IL1RAPL1: variants seen among roughly 807,000 people sequenced by gnomAD.
The protein encoded by IL1RAPL1 is interleukin 1 receptor accessory protein like 1.
A neutral mutation model predicts 48.4 loss-of-function variants in IL1RAPL1; 3 were observed. That is an observed-to-expected ratio of 0.06 (90% CI 0.03 to 0.16). The LOEUF is 0.16. IL1RAPL1 is among the 10% of genes least tolerant of loss of function. The pLI, the probability that IL1RAPL1 is intolerant of heterozygous loss-of-function variation, is 1.00. For synonymous variants in IL1RAPL1, 185 were observed against 187.7 expected (o/e 0.99, Z 0.12); for missense variants, 349 against 530.6 (o/e 0.66, Z 3.36).
intron 6 of IL1RAPL1, among the ~76,000 whole-genome samples, chrX:29,853,361 G>A (rs981346066): frequency 2.6e-4 from 28 of 109,528 alleles, no homozygotes; most frequent in African/African-American, 8.7e-4. Flanking sequence ...AATTAGCCAG[G>A]CATCATAGAT....
intron 1 of IL1RAPL1, among the ~76,000 whole-genome samples, chrX:28,607,086 T>C (rs968540684): frequency 9.1e-6 from 1 of 109,641 alleles, no homozygotes; most frequent in Non-Finnish European, 1.9e-5. Flanking sequence ...ATAGATGTTC[T>C]CATCTTGTCT....
intron 2 of IL1RAPL1, among the ~76,000 whole-genome samples, chrX:29,022,595 G>A (rs186175619): frequency 9.3e-4 from 104 of 111,454 alleles, no homozygotes; most frequent in African/African-American, 3.3e-3. Context: ...TACTTTATTT[G>A]TTTTTGGTTA....
At chrX:29,871,288 T>C (rs902605091) in intron 6 of IL1RAPL1, among the ~76,000 whole-genome samples, 8 of 112,259 alleles carry the variant, frequency 7.1e-5, no homozygotes, top group Non-Finnish European at 1.1e-4. Flanking sequence ...AAGTCTCTTT[T>C]CTCATGGAAG....
At chrX:28,590,370 C>T (rs964563864) in intron 1 of IL1RAPL1, among the ~76,000 whole-genome samples, 1 of 111,104 alleles carries the variant, frequency 9.0e-6, no homozygotes, top group African/African-American at 3.3e-5. Context: ...ATTCCATTTC[C>T]TTCCAGTCCT....
intron 3 of IL1RAPL1, among the ~76,000 whole-genome samples, chrX:29,305,150 G>A (rs900675606): frequency 3.6e-5 from 4 of 111,969 alleles, no homozygotes; most frequent in African/African-American, 9.7e-5. Context: ...AAAGATACAT[G>A]ATTTTATGTG....
chrX:28,635,567 A>G (rs755409325), intron 1 of IL1RAPL1, among the ~76,000 whole-genome samples: 1 of 111,891 alleles, frequency 8.9e-6, no homozygotes, highest in Admixed American at 9.5e-5. Flanking sequence ...TATTTTGCCC[A>G]ACTGTAGGCT....
intron 2 of IL1RAPL1, among the ~76,000 whole-genome samples, chrX:29,196,866 A>G (rs1281114972): frequency 9.1e-6 from 1 of 110,141 alleles, no homozygotes; most frequent in Non-Finnish European, 1.9e-5. Context: ...ATATAATACT[A>G]TACTATTATA....
At chrX:29,251,143 G>C (rs1194521091) in intron 2 of IL1RAPL1, among the ~76,000 whole-genome samples, 9 of 114,184 alleles carry the variant, frequency 7.9e-5, no homozygotes, top group Non-Finnish European at 1.1e-4. Flanking sequence ...TATCTCAAAA[G>C]ACATAGCACT....
chrX:28,639,975 A>T (rs978322985), intron 1 of IL1RAPL1, among the ~76,000 whole-genome samples: 3 of 111,892 alleles, frequency 2.7e-5, no homozygotes, highest in African/African-American at 6.5e-5. Context: ...AACATATGGG[A>T]TAAAACAAAG....
At position 29,659,688 on chromosome X, in the gene IL1RAPL1, G is replaced by A. The variant is rs775637569; in HGVS notation, c.704-8742G>A. Among the ~76,000 whole-genome samples, 13 of 111,659 alleles carry A rather than the reference G, an allele frequency of 1.2e-4. No individual in the cohort carries two copies. In the East Asian group the frequency reaches 1.4e-3, roughly 12 times the overall value. On this transcript the variant is annotated intron_variant, in intron 5 of 10. Transcript: ENST00000378993. ...TGCCCAGGCTAGAGTGCAATGGCGC[G>A]ATCTCAGCTCACTGCAACCTCCGCC...
At chrX:28,776,872 A>G (rs1033949882) in intron 1 of IL1RAPL1, among the ~76,000 whole-genome samples, 5 of 112,075 alleles carry the variant, frequency 4.5e-5, no homozygotes, top group African/African-American at 1.6e-4. Flanking sequence ...ACAGGCATTG[A>G]AAACTGAATG....
intron 2 of IL1RAPL1, among the ~76,000 whole-genome samples, chrX:28,880,651 A>G (rs1382766833): frequency 8.9e-6 from 1 of 111,929 alleles, no homozygotes; most frequent in Admixed American, 9.5e-5. Context: ...AATTTCATAA[A>G]TTTTTGCTAT....
chrX:28,690,733 T>G (rs1394764380), intron 1 of IL1RAPL1, among the ~76,000 whole-genome samples: 1 of 111,432 alleles, frequency 9.0e-6, no homozygotes, highest in Non-Finnish European at 1.9e-5. Flanking sequence ...TGCATTTTGT[T>G]AGTCGAGACA....
chrX:28,649,697 G>A (rs761357994), intron 1 of IL1RAPL1, among the ~76,000 whole-genome samples: 1 of 112,473 alleles, frequency 8.9e-6, no homozygotes, highest in South Asian at 3.7e-4. Flanking sequence ...AGTCAGGGAT[G>A]CCATCATAGG....
At chrX:29,172,828 A>G (rs1413151307) in intron 2 of IL1RAPL1, among the ~76,000 whole-genome samples, 2 of 111,673 alleles carry the variant, frequency 1.8e-5, no homozygotes, top group Non-Finnish European at 3.8e-5. Context: ...TCATTGGATA[A>G]CTTTCTTCAG....
At chrX:29,671,517 T>C (rs1245749663) in intron 6 of IL1RAPL1, among the ~76,000 whole-genome samples, 1 of 112,347 alleles carries the variant, frequency 8.9e-6, no homozygotes, top group Non-Finnish European at 1.9e-5. Flanking sequence ...GTATGTTATT[T>C]CTAAATGTAA....
chrX:29,047,544 T>C (rs1317731554), intron 2 of IL1RAPL1, among the ~76,000 whole-genome samples: 1 of 111,838 alleles, frequency 8.9e-6, no homozygotes, highest in Non-Finnish European at 1.9e-5. Context: ...ATTTTCAAAA[T>C]GGCAAAGACA....
chrX:28,983,605 C>T (rs753484743), intron 2 of IL1RAPL1, among the ~76,000 whole-genome samples: 4 of 111,841 alleles, frequency 3.6e-5, no homozygotes, highest in African/African-American at 1.3e-4. Context: ...TTTTGCCCAT[C>T]TATTTTTATT....
intron 2 of IL1RAPL1, among the ~76,000 whole-genome samples, chrX:28,897,703 G>A (rs189222967): frequency 3.1e-3 from 349 of 111,983 alleles, no homozygotes; most frequent in African/African-American, 0.011. Flanking sequence ...TCTGAGTCAC[G>A]GCACCAAATT....
Sources: gnomAD v4.1 joint callset for allele counts (sites outside exome capture counted in the v4.1 genomes callset) on GRCh38, gnomAD v4.1.1 for gene constraint, MANE v1.5 for transcripts, NCBI Gene and HGNC (gene_info 2026-07-23, HGNC 2026-07-21) for gene names.